MCM2: variants seen among roughly 807,000 people sequenced by gnomAD.
MCM2 encodes DNA replication licensing factor MCM2.
In MCM2, 49 loss-of-function variants were observed where a neutral mutation model predicts 86.4. That is an observed-to-expected ratio of 0.57 (90% CI 0.45 to 0.72). The LOEUF (loss-of-function observed/expected upper bound fraction) is 0.72, where lower values mean the gene tolerates loss of function less well. Among genes scored for constraint, MCM2 ranks in the 30% least tolerant of loss-of-function variants. MCM2 has a pLI of 0.00. For missense variants in MCM2, 1,038 were observed against 1,259.9 expected (o/e 0.82, Z 2.67); for synonymous variants, 475 against 484.6 (o/e 0.98, Z 0.26).
chr3:127,599,596 C>G (rs1448051383), intron 2 of MCM2, 49 bp downstream of exon 2: 1 of 1,511,448 alleles, frequency 6.6e-7, no homozygotes, highest in Non-Finnish European at 9.0e-7. Flanking sequence ...TGCAGAGAGC[C>G]CATTGTGTGC....
At chr3:127,620,532 G>A (rs2074468314) in intron 13 of MCM2, among the ~76,000 whole-genome samples, 166 bp from the exon 14 acceptor site, 1 of 152,354 alleles carries the variant, frequency 6.6e-6, no homozygotes, top group African/African-American at 2.4e-5. Context: ...TTCCAGGAGG[G>A]ATAGGAAGTG....
At chr3:127,613,271 G>A (rs1403944108) in intron 8 of MCM2, among the ~76,000 whole-genome samples, 1 of 152,314 alleles carries the variant, frequency 6.6e-6, no homozygotes, top group South Asian at 2.1e-4. Context: ...AATGAGCTGG[G>A]TTAAGAGGAG....
rs746461744 is a variant in MCM2, at chr3:127,606,251, C to A, written c.807C>A (p.Ala269=). 1.2e-6 allele frequency: 2 copies of A among 1,614,214 alleles called. No homozygotes were observed. Among genetic ancestry groups the A allele is most frequent in the South Asian group, 2.2e-5 (2 of 91,080 alleles). ...AGGCTGCCCTGGAGGTGGTACTGGC[C>A]ATGTACCCCAAGTACGACCGCATCA... The part of the protein sequence containing the change: ...FDEAALEVVL[A]MYPKYDRITN... The change falls in exon 5 of 16, where the codon GCC becomes GCA. Residue 269 remains alanine, a synonymous_variant. Transcript: ENST00000265056. The surrounding 1 kb of genome is among the most constrained non-coding windows in gnomAD (Gnocchi z 4.2).
At chr3:127,612,313 A>G (rs1280370396) in intron 8 of MCM2, among the ~76,000 whole-genome samples, 1 of 152,228 alleles carries the variant, frequency 6.6e-6, no homozygotes, top group Non-Finnish European at 1.5e-5. Context: ...ATTTTAAAGA[A>G]CTAACAGAAG....
intron 3 of MCM2, 24 bp from the exon 4 acceptor site, chr3:127,604,872 A>G: frequency 6.3e-7 from 1 of 1,596,828 alleles, no homozygotes; most frequent in Non-Finnish European, 8.5e-7. Context: ...TGACCGCAGT[A>G]GCAGGTGTCT....
chr3:127,603,577 C>T (rs972953569), intron 2 of MCM2, among the ~76,000 whole-genome samples: 2 of 152,194 alleles, frequency 1.3e-5, no homozygotes, highest in African/African-American at 2.4e-5. Context: ...CCTTGAACTC[C>T]TGCGCTCAAG....
At chr3:127,621,613 CA>C (rs1429991388) in intron 15 of MCM2, 49 bp from the exon 16 acceptor site, 1 of 1,240,134 alleles carries the variant, frequency 8.1e-7, no homozygotes, top group South Asian at 1.2e-5. Flanking sequence ...GCTCTGGAAA[CA>C]GCCTGTTCTC....
Position 127,618,028 on chromosome 3 carries a change from A to G in MCM2, c.1960A>G (p.Ile654Val). The G allele has an allele frequency of 6.2e-7, 1 of 1,614,092 alleles. No individual in the cohort carries two copies. The highest frequency in any genetic ancestry group is 8.5e-7 in the Non-Finnish European group (1 of 1,179,996). ...SENVDLTEPI[I>V]SRFDILCVVR... ...GAACGTGGACCTCACAGAGCCCATC[A>G]TCTCACGCTTTGACATCCTGTGTGT... is the stretch of plus-strand genomic sequence containing the variant. Residue 654 changes from isoleucine to valine, a missense_variant, in exon 12 of 16, where the codon ATC becomes GTC. By Grantham distance (29) the Ile-to-Val change is conservative (BLOSUM62 3). Around this residue, in one of 4 missense-constraint regions of MCM2, gnomAD observed 336 missense variants for 425.7 expected, o/e 0.79. Transcript: ENST00000265056. The surrounding 1 kb of genome is among the most constrained non-coding windows in gnomAD (Gnocchi z 4.0).
intron 13 of MCM2, 48 bp from the exon 14 acceptor site, chr3:127,620,650 G>T: frequency 6.6e-7 from 1 of 1,525,368 alleles, no homozygotes; most frequent in Non-Finnish European, 8.8e-7. Context: ...TATTTTCCTT[G>T]CTTCTCTTTC....
intron 8 of MCM2, chr3:127,611,114 G>T (rs1489937422): frequency 5.2e-6 from 2 of 382,674 alleles, no homozygotes; most frequent in Non-Finnish European, 1.0e-5. Context: ...GGCAAAGAAA[G>T]CCAGGACCTC....
At chr3:127,611,601 C>G (rs548058828) in intron 8 of MCM2, among the ~76,000 whole-genome samples, 11 of 151,550 alleles carry the variant, frequency 7.3e-5, no homozygotes, top group Non-Finnish European at 1.2e-4. Context: ...AGAGCACCTT[C>G]TCCCTCACTT....
Position 127,617,404 on chromosome 3 carries a change from A to C in MCM2, c.1899A>C (p.Ile633=), listed in dbSNP as rs1387988822. 1.9e-6 allele frequency: 3 copies of C among 1,612,910 alleles called. No homozygotes were observed. In the African/African-American group the frequency reaches 4.0e-5, roughly 22 times the overall value. Residue 633 remains isoleucine (I), a splice_region_variant and synonymous_variant, in exon 11 of 16, where the codon ATA becomes ATC. Transcript: ENST00000265056. The surrounding 1 kb of genome is among the most constrained non-coding windows in gnomAD (Gnocchi z 4.1). ...CGGTCATTGCTGCCGCCAACCCCATAGGTGCAGCAGGCACCCTGACTGCTG... is the reference window on the plus strand; with the variant it reads ...CGGTCATTGCTGCCGCCAACCCCATCGGTGCAGCAGGCACCCTGACTGCTG... ...RCTVIAAANP[I]GGRYDPSLTF...
rs62264117 is a variant in MCM2, at chr3:127,604,996, C to T, written c.513C>T (p.Ile171=). 15 of 1,613,854 alleles carry T rather than the reference C, an allele frequency of 9.3e-6. 1 individual carries two copies. The highest frequency in any genetic ancestry group is 5.5e-5 in the South Asian group (5 of 91,090). ...AGGACGAGGAGATGATCGAGAGCAT[C>T]GAGAACCTGGAGGATCTCAAAGGCC... ...GEEDEEMIES[I]ENLEDLKGHS... Residue 171 remains isoleucine, a synonymous_variant, in exon 4 of 16, where the codon ATC becomes ATT. Transcript: ENST00000265056.
intron 2 of MCM2, among the ~76,000 whole-genome samples, chr3:127,601,524 TA>T (rs2074306464): frequency 6.6e-6 from 1 of 152,080 alleles, no homozygotes; most frequent in Non-Finnish European, 1.5e-5. Flanking sequence ...CCACACCGGC[TA>T]ATTTTTCTAT....
At position 127,598,428 on chromosome 3, in the gene MCM2, G is replaced by T. The variant is rs2074272370; in HGVS notation, c.-39G>T. Reference sequence around the variant, plus strand: ...GTGAACCACTTTTCGCGCGAAACCTGGTTGTTGCTGTAGTGGCGGAGAGGA... The same window carrying T: ...GTGAACCACTTTTCGCGCGAAACCTTGTTGTTGCTGTAGTGGCGGAGAGGA... On this transcript the variant is annotated 5_prime_UTR_variant, in exon 1 of 16. Coordinates refer to ENST00000265056, the MANE Select transcript of MCM2 (RefSeq NM_004526.4). 6.2e-6 allele frequency: 10 copies of T among 1,613,372 alleles called. No homozygotes were observed. Among genetic ancestry groups the T allele is most frequent in the Non-Finnish European group, 8.5e-6 (10 of 1,179,586 alleles).
chr3:127,610,136 G>A (rs1473318247), intron 8 of MCM2, among the ~76,000 whole-genome samples: 5 of 152,096 alleles, frequency 3.3e-5, no homozygotes, highest in Admixed American at 6.5e-5. Flanking sequence ...GAGGCACCAC[G>A]CCCGGCCTTC....
Position 127,606,729 on chromosome 3 carries a change from C to A in MCM2, c.1013C>A (p.Pro338His). 6.2e-7 allele frequency: 1 copy of A among 1,614,242 alleles called. No individual in the cohort carries two copies. The highest frequency in any genetic ancestry group is 8.5e-7 in the Non-Finnish European group (1 of 1,180,042). ...NCNKCNFVLG[P>H]FCQSQNQEVK... ...AACAAGTGCAATTTCGTCCTGGGTC[C>A]TTTCTGCCAGTCCCAGAACCAGGAG... The change falls in exon 6 of 16, where the codon CCT (proline) becomes CAT (histidine). Residue 338 changes from proline to histidine, a missense_variant. Physicochemically the swap from Pro to His is moderately conservative, Grantham distance 77. This residue lies in a region of MCM2 where 399 missense variants were observed against 507.2 expected (regional missense o/e 0.79). Coordinates refer to ENST00000265056, the MANE Select transcript of MCM2 (RefSeq NM_004526.4). The surrounding 1 kb of genome is among the most constrained non-coding windows in gnomAD (Gnocchi z 4.2).
At chr3:127,619,943 C>T (rs2074464072) in intron 13 of MCM2, among the ~76,000 whole-genome samples, 1 of 152,108 alleles carries the variant, frequency 6.6e-6, no homozygotes, top group Non-Finnish European at 1.5e-5. Context: ...ATGATGGCAC[C>T]ACTGCACTCT....
chr3:127,620,798 A>G lies in MCM2; in HGVS notation c.2366A>G (p.Asp789Gly). ...RIHLRDYVIE[D>G]DVNMAIRVML... is the part of the protein sequence containing the mutation. ...CATCTGCGGGACTATGTGATCGAAG[A>G]CGACGTCAACATGGCCATCCGCGTG... The change falls in exon 14 of 16, where the codon GAC becomes GGC. Residue 789 changes from aspartate to glycine, a missense_variant. Physicochemically the swap from Asp to Gly is moderately conservative, Grantham distance 94. Coordinates refer to ENST00000265056, the MANE Select transcript of MCM2 (RefSeq NM_004526.4). 21 of 1,614,126 alleles carry G rather than the reference A, an allele frequency of 1.3e-5. No homozygotes were observed. The highest frequency in any genetic ancestry group is 1.8e-5 in the Non-Finnish European group (21 of 1,179,952).
Sources: gnomAD v4.1 joint callset for allele counts (sites outside exome capture counted in the v4.1 genomes callset) on GRCh38, gnomAD v4.1.1 for gene constraint, gnomAD v4.1.1 regional missense constraint, Gnocchi (gnomAD v3.1) non-coding constraint, MANE v1.5 for transcripts, NCBI Gene and HGNC (gene_info 2026-07-23, HGNC 2026-07-21) for gene names.